Variants in SORBS2 observed in about 807,000 individuals in gnomAD.
The protein encoded by SORBS2 is sorbin and SH3 domain containing 2.
Under a neutral mutation model 97.7 loss-of-function variants are expected in SORBS2, and 46 were observed. That is an observed-to-expected ratio of 0.47 (90% CI 0.37 to 0.60). The LOEUF (loss-of-function observed/expected upper bound fraction) is 0.60, where lower values mean the gene tolerates loss of function less well. Ranked by LOEUF, SORBS2 falls within the 20% of genes least tolerant of loss-of-function variation. SORBS2 has a pLI of 0.00. For synonymous variants in SORBS2, 476 were observed against 473.4 expected (o/e 1.01, Z -0.07); for missense variants, 1,316 against 1,282.3 (o/e 1.03, Z -0.40).
At chr4:185,849,463 C>T (rs988726382) in intron 1 of SORBS2, among the ~76,000 whole-genome samples, 13 of 122,068 alleles carry the variant, frequency 1.1e-4, no homozygotes, top group Admixed American at 7.2e-4. Flanking sequence ...GCCACTCTTC[C>T]TCTCCCTGCC....
chr4:185,807,913 A>T (rs1158183010), intron 1 of SORBS2, among the ~76,000 whole-genome samples: 1 of 152,192 alleles, frequency 6.6e-6, no homozygotes, highest in Admixed American at 6.5e-5. Flanking sequence ...TATGCTATCC[A>T]TGTAGTTAGA....
At chr4:185,719,594 A>C (rs2098495770) in intron 2 of SORBS2, among the ~76,000 whole-genome samples, 1 of 152,234 alleles carries the variant, frequency 6.6e-6, no homozygotes, top group Non-Finnish European at 1.5e-5. Context: ...AGCATCATCA[A>C]ACTAACTATA....
chr4:185,704,293 T>C (rs1335143184), intron 2 of SORBS2, among the ~76,000 whole-genome samples: 2 of 152,176 alleles, frequency 1.3e-5, no homozygotes, highest in African/African-American at 4.8e-5. Context: ...GAGAATGCTA[T>C]CATTCATTCA....
At chr4:185,808,670 T>G (rs963850607) in intron 1 of SORBS2, among the ~76,000 whole-genome samples, 2 of 152,138 alleles carry the variant, frequency 1.3e-5, no homozygotes, top group African/African-American at 4.8e-5. Context: ...ACCTTTTAGG[T>G]TTACTTAGGA....
chr4:185,680,631 A>G (rs903477973), intron 2 of SORBS2, among the ~76,000 whole-genome samples: 2 of 152,104 alleles, frequency 1.3e-5, no homozygotes. Flanking sequence ...GAGGATAGGG[A>G]GTTTCTTTTA....
At chr4:185,733,592 C>A (rs1038636560) in intron 2 of SORBS2, among the ~76,000 whole-genome samples, 1 of 152,176 alleles carries the variant, frequency 6.6e-6, no homozygotes, top group African/African-American at 2.4e-5. Flanking sequence ...CCCGGTGAAG[C>A]ATCAGTGACC....
chr4:185,664,253 TA>T (rs2097565764), intron 4 of SORBS2, among the ~76,000 whole-genome samples: 1 of 152,200 alleles, frequency 6.6e-6, no homozygotes, highest in Non-Finnish European at 1.5e-5. Flanking sequence ...GTGAATTCAT[TA>T]TTAGGAAAAA....
chr4:185,800,566 C>T (rs985607968), intron 1 of SORBS2, among the ~76,000 whole-genome samples: 12 of 152,074 alleles, frequency 7.9e-5, no homozygotes, highest in Admixed American at 5.9e-4. Flanking sequence ...GGGATCTTGC[C>T]CCTGGGGTAG....
At chr4:185,916,743 C>T (rs967721125) in intron 1 of SORBS2, among the ~76,000 whole-genome samples, 2 of 152,294 alleles carry the variant, frequency 1.3e-5, no homozygotes, top group Non-Finnish European at 2.9e-5. Flanking sequence ...GAGAGCGATG[C>T]TATTAAACAT....
At chr4:185,798,277 C>A (rs2099115186) in intron 1 of SORBS2, among the ~76,000 whole-genome samples, 1 of 152,138 alleles carries the variant, frequency 6.6e-6, no homozygotes, top group African/African-American at 2.4e-5. Context: ...CCAGAATAAA[C>A]TTGTGATTCT....
intron 4 of SORBS2, among the ~76,000 whole-genome samples, 158 bp downstream of exon 14, chr4:185,638,719 T>C (rs1175025663): frequency 2.0e-5 from 3 of 149,368 alleles, no homozygotes; most frequent in Non-Finnish European, 3.0e-5. Context: ...GGACAGGGCA[T>C]TGGGGGGCTC....
At chr4:185,741,190 C>T (rs1451792037) in intron 2 of SORBS2, among the ~76,000 whole-genome samples, 1 of 151,902 alleles carries the variant, frequency 6.6e-6, no homozygotes, top group African/African-American at 2.4e-5. Flanking sequence ...CATAATGTAA[C>T]ATAAGACAGT....
chr4:185,769,359 A>T (rs751830425), intron 2 of SORBS2, among the ~76,000 whole-genome samples: 12 of 152,216 alleles, frequency 7.9e-5, no homozygotes, highest in African/African-American at 2.9e-4. Context: ...CAAAGGCATC[A>T]ATATCTCAGC....
chr4:185,732,314 G>A (rs570606036), intron 2 of SORBS2, among the ~76,000 whole-genome samples: 1 of 152,336 alleles, frequency 6.6e-6, no homozygotes, highest in East Asian at 1.9e-4. Context: ...GAGCATCAAA[G>A]TGTGACCGAG....
At chr4:185,619,804 G>A (rs2096687206) in intron 8 of SORBS2, among the ~76,000 whole-genome samples, 1 of 152,124 alleles carries the variant, frequency 6.6e-6, no homozygotes, top group Non-Finnish European at 1.5e-5. Context: ...TAAGTTCATG[G>A]GCATCAGGTC....
chr4:185,673,250 C>T (rs1249507776), intron 4 of SORBS2, among the ~76,000 whole-genome samples: 3 of 152,198 alleles, frequency 2.0e-5, no homozygotes, highest in African/African-American at 7.2e-5. Context: ...TGCTGCACTG[C>T]ATGGTGCCTA....
In SORBS2 at chr4:185,634,209, A is replaced by T. The variant is rs557267550; in HGVS notation, c.397-3611T>A. Among the ~76,000 whole-genome samples, 11 of 152,278 alleles carry T rather than the reference A, an allele frequency of 7.2e-5. 1 individual carries two copies. In the South Asian group the frequency reaches 2.3e-3, roughly 32 times the overall value. ...CACAGGGTAAATAATTTGAAATTGC[A>T]AGTTGAGACGCTAGAAATTTGCATA... On this transcript the variant is annotated intron_variant, in intron 4 of 14. Transcript: ENST00000418609.
chr4:185,733,825 A>G (rs1371657189), intron 2 of SORBS2, among the ~76,000 whole-genome samples: 3 of 152,144 alleles, frequency 2.0e-5, no homozygotes, highest in Admixed American at 2.0e-4. Context: ...TCCTGGCCTC[A>G]TTTCCTCTGA....
chr4:185,641,439 G>T (rs1255858267), intron 4 of SORBS2, among the ~76,000 whole-genome samples: 2 of 152,144 alleles, frequency 1.3e-5, no homozygotes, highest in Non-Finnish European at 2.9e-5. Context: ...AATCTTTTAA[G>T]TCATGCAATA....
Sources: gnomAD v4.1 joint callset for allele counts (sites outside exome capture counted in the v4.1 genomes callset) on GRCh38, gnomAD v4.1.1 for gene constraint, MANE v1.5 for transcripts, NCBI Gene and HGNC (gene_info 2026-07-23, HGNC 2026-07-21) for gene names.